Variants in SERPINI1 observed in about 807,000 individuals in gnomAD.
SERPINI1 encodes the protein neuroserpin.
A neutral mutation model predicts 41.1 loss-of-function variants in SERPINI1; 19 were observed. That is an observed-to-expected ratio of 0.46 (90% CI 0.32 to 0.68). The LOEUF is 0.68. Ranked by LOEUF, SERPINI1 falls within the 30% of genes least tolerant of loss-of-function variation. SERPINI1 has a pLI of 0.03. For missense variants in SERPINI1, 460 were observed against 479.2 expected, an observed-to-expected ratio of 0.96 and a Z score of 0.37; for synonymous variants, 138 against 156.6, an observed-to-expected ratio of 0.88 and a Z score of 0.89.
chr3:167,789,743 G>A (rs1313944047), intron 2 of SERPINI1, among the ~76,000 whole-genome samples: 2 of 152,130 alleles, frequency 1.3e-5, no homozygotes, highest in Non-Finnish European at 2.9e-5. Context: ...AGCATGGTTT[G>A]CTAAGAATAT....
intron 1 of SERPINI1, among the ~76,000 whole-genome samples, chr3:167,788,457 A>G (rs1727384664): frequency 6.6e-6 from 1 of 152,162 alleles, no homozygotes; most frequent in African/African-American, 2.4e-5. Context: ...CTCATTCTCA[A>G]CTTTGGTAGG....
At chr3:167,739,985 G>T in intron 1 of SERPINI1, among the ~76,000 whole-genome samples, 1 of 150,028 alleles carries the variant, frequency 6.7e-6, no homozygotes, top group Non-Finnish European at 1.5e-5. Flanking sequence ...TATATAAATT[G>T]GCTTGCTTAG....
At chr3:167,753,807 A>G (rs1726117857) in intron 1 of SERPINI1, among the ~76,000 whole-genome samples, 1 of 152,208 alleles carries the variant, frequency 6.6e-6, no homozygotes, top group Non-Finnish European at 1.5e-5. Flanking sequence ...GAAGACTATC[A>G]GTGTTGTTAG....
At chr3:167,786,565 A>G (rs1727320928) in intron 1 of SERPINI1, among the ~76,000 whole-genome samples, 1 of 151,100 alleles carries the variant, frequency 6.6e-6, no homozygotes, top group Non-Finnish European at 1.5e-5. Flanking sequence ...CCTGTAAAGG[A>G]CACTTACTAT....
chr3:167,768,478 G>A (rs975524745), intron 1 of SERPINI1, among the ~76,000 whole-genome samples: 21 of 152,244 alleles, frequency 1.4e-4, no homozygotes, highest in Admixed American at 3.3e-4. Context: ...TATCGCTGAG[G>A]TATGCCTGTA....
chr3:167,744,753 T>G (rs1307364029), intron 1 of SERPINI1, among the ~76,000 whole-genome samples: 7 of 115,130 alleles, frequency 6.1e-5, no homozygotes, highest in East Asian at 2.0e-4. Context: ...TATAACTATA[T>G]TTATATATTA....
In SERPINI1 at chr3:167,822,079, C is replaced by G. The variant is rs140599945; in HGVS notation, c.980-907C>G. Among the ~76,000 whole-genome samples, 252 of 152,320 alleles carry G rather than the reference C, an allele frequency of 1.7e-3. 1 individual carries two copies. Among genetic ancestry groups the G allele is most frequent in the African/African-American group, 5.7e-3 (238 of 41,566 alleles). Reference sequence around the variant, plus strand: ...AAGCACTGTTATAGAAACATCCAGACAGTTTGACTAAATATCTGAGCACCA... The same window carrying G: ...AAGCACTGTTATAGAAACATCCAGAGAGTTTGACTAAATATCTGAGCACCA... On this transcript the variant is annotated intron_variant, in intron 6 of 8. Transcript: ENST00000446050.
intron 7 of SERPINI1, among the ~76,000 whole-genome samples, chr3:167,824,265 G>A (rs1712442671): frequency 1.3e-5 from 2 of 152,146 alleles, no homozygotes; most frequent in African/African-American, 2.4e-5. Flanking sequence ...TTTGTGGTGT[G>A]TGTTTGTTTT....
chr3:167,763,078 T>C (rs958557766), intron 1 of SERPINI1, among the ~76,000 whole-genome samples: 4 of 152,150 alleles, frequency 2.6e-5, no homozygotes, highest in African/African-American at 9.7e-5. Flanking sequence ...AGGGAAAATA[T>C]ACCTAAATCA....
chr3:167,736,523 TGC>T (rs1422799207), intron 1 of SERPINI1, among the ~76,000 whole-genome samples: 2 of 152,234 alleles, frequency 1.3e-5, no homozygotes, highest in Non-Finnish European at 1.5e-5. Flanking sequence ...TGTACCTCAC[TGC>T]TGCTCGTTAG....
At chr3:167,758,041 C>T (rs938920343) in intron 1 of SERPINI1, among the ~76,000 whole-genome samples, 3 of 152,186 alleles carry the variant, frequency 2.0e-5, no homozygotes, top group African/African-American at 7.2e-5. Flanking sequence ...TAACACAAAT[C>T]CCTATGCAAC....
chr3:167,754,928 A>G (rs1308506201), intron 1 of SERPINI1, among the ~76,000 whole-genome samples: 1 of 152,082 alleles, frequency 6.6e-6, no homozygotes, highest in East Asian at 1.9e-4. Flanking sequence ...TTAACTGACC[A>G]CCTAGTTGGC....
chr3:167,736,731 T>G (rs1725463548), intron 1 of SERPINI1, among the ~76,000 whole-genome samples: 1 of 152,202 alleles, frequency 6.6e-6, no homozygotes, highest in Admixed American at 6.5e-5. Flanking sequence ...TATATGTGCA[T>G]TCAAAGCAAC....
At chr3:167,788,527 C>G (rs543596353) in intron 1 of SERPINI1, among the ~76,000 whole-genome samples, 1 of 152,252 alleles carries the variant, frequency 6.6e-6, no homozygotes, top group African/African-American at 2.4e-5. Flanking sequence ...GGAACCAATA[C>G]GTGAGGAACA....
At chr3:167,739,376 C>T (rs1326401989) in intron 1 of SERPINI1, among the ~76,000 whole-genome samples, 2 of 152,106 alleles carry the variant, frequency 1.3e-5, no homozygotes, top group Non-Finnish European at 1.5e-5. Flanking sequence ...GTCAGCTGAC[C>T]TCACAGAATG....
intron 7 of SERPINI1, 39 bp from the exon 8 acceptor site, chr3:167,824,434 C>T: frequency 6.9e-7 from 1 of 1,456,778 alleles, no homozygotes; most frequent in Non-Finnish European, 9.6e-7. Context: ...AGTCTCTGCA[C>T]ATCCACAGAC....
intron 1 of SERPINI1, among the ~76,000 whole-genome samples, chr3:167,752,132 A>G (rs564459273): frequency 2.6e-5 from 4 of 152,248 alleles, no homozygotes; most frequent in East Asian, 1.9e-4. Flanking sequence ...TAAGTCTTGC[A>G]TGTGTTTGGG....
intron 5 of SERPINI1, among the ~76,000 whole-genome samples, chr3:167,799,671 C>T (rs1407773175): frequency 6.6e-6 from 1 of 152,136 alleles, no homozygotes; most frequent in East Asian, 1.9e-4. Flanking sequence ...AGTGTAAAAG[C>T]ATTACTATTT....
Position 167,769,979 on chromosome 3 carries a change from G to GTT in SERPINI1, c.-18-19122_-18-19121dup, listed in dbSNP as rs67548059. Among the ~76,000 whole-genome samples the GTT allele has an allele frequency of 1.5e-4, 19 of 122,930 alleles. 1 individual carries two copies. In the South Asian group the frequency reaches 4.4e-3, roughly 29 times the overall value. The allele number at this position is 122,930 out of a possible 152,430, so 80.6% of individuals were successfully genotyped here. On this transcript the variant is annotated intron_variant, in intron 1 of 8. Coordinates refer to ENST00000446050, the MANE Select transcript of SERPINI1 (RefSeq NM_001122752.2). ...ACTTGTCTCTTGACTGTAGTTACAT[G>GTT]TTTTTTTTTTTCCTGTGGATTATTT...
Sources: allele counts gnomAD v4.1 joint callset (sites outside exome capture counted in the v4.1 genomes callset), GRCh38; gene constraint gnomAD v4.1.1; transcripts MANE v1.5; gene names NCBI Gene and HGNC (gene_info 2026-07-23, HGNC 2026-07-21).